CPM: variants seen among roughly 807,000 people sequenced by gnomAD.
CPM encodes the protein carboxypeptidase M.
CPM carries 35 observed loss-of-function variants against 46.4 expected under a neutral mutation model. That is an observed-to-expected ratio of 0.75 (90% CI 0.58 to 1.00). The LOEUF (loss-of-function observed/expected upper bound fraction) is 1.00, where lower values mean the gene tolerates loss of function less well. Among genes scored for constraint, CPM ranks in the 50% least tolerant of loss-of-function variants. CPM has a pLI of 0.00. For synonymous variants in CPM, 195 were observed against 195.3 expected, an observed-to-expected ratio of 1.00 and a Z score of 0.01; for missense variants, 422 against 530.4, an observed-to-expected ratio of 0.80 and a Z score of 2.01.
At chr12:68,928,574 T>C (rs1338536188) in intron 2 of CPM, among the ~76,000 whole-genome samples, 1 of 152,188 alleles carries the variant, frequency 6.6e-6, no homozygotes, top group East Asian at 1.9e-4. Context: ...CGAAATAATG[T>C]CTTAAACTAT....
chr12:68,932,918 T>TC, intron 1 of CPM, 78 bp from the exon 2 acceptor site: 1 of 1,385,502 alleles, frequency 7.2e-7, no homozygotes, highest in South Asian at 1.2e-5. Flanking sequence ...GTCTCGGTAC[T>TC]CCGGTCTCAG....
At chr12:68,870,685 T>C (rs1175593767) in intron 4 of CPM, among the ~76,000 whole-genome samples, 1 of 152,234 alleles carries the variant, frequency 6.6e-6, no homozygotes, top group African/African-American at 2.4e-5. Context: ...TGCTCCCTTT[T>C]GGGACCTTGA....
chr12:68,961,289 G>T (rs1392172351), intron 1 of CPM, among the ~76,000 whole-genome samples: 1 of 152,100 alleles, frequency 6.6e-6, no homozygotes, highest in Non-Finnish European at 1.5e-5. Flanking sequence ...GGGACTGCAG[G>T]CACATGCCCC....
chr12:68,930,687 G>A (rs187988203), intron 2 of CPM, among the ~76,000 whole-genome samples: 17 of 152,258 alleles, frequency 1.1e-4, no homozygotes, highest in East Asian at 7.7e-4. Flanking sequence ...GCCTTTAACC[G>A]CAAGAGTGCA....
chr12:68,887,760 GTA>G (rs1886493956), intron 2 of CPM, among the ~76,000 whole-genome samples: 1 of 152,210 alleles, frequency 6.6e-6, no homozygotes, highest in African/African-American at 2.4e-5. Flanking sequence ...AGATGTGTGT[GTA>G]GTGTACTGTT....
upstream of CPM, among the ~76,000 whole-genome samples, chr12:68,937,616 T>G (rs1335197811): frequency 1.3e-5 from 2 of 152,206 alleles, no homozygotes; most frequent in Non-Finnish European, 2.9e-5. Context: ...AGACAAATTG[T>G]TCAGGCAAGA....
At chr12:68,922,997 A>C (rs971698698) in intron 2 of CPM, among the ~76,000 whole-genome samples, 5 of 152,098 alleles carry the variant, frequency 3.3e-5, no homozygotes, top group Non-Finnish European at 7.4e-5. Context: ...GTGCGATCAT[A>C]GTGCAGTACA....
At chr12:68,932,986 C>G (rs577894376) in intron 1 of CPM, 146 bp from the exon 2 acceptor site, 1 of 669,706 alleles carries the variant, frequency 1.5e-6, no homozygotes, top group East Asian at 2.8e-5. Flanking sequence ...GAAGCAACAC[C>G]TTCGGGAGTG....
chr12:68,940,322 A>G (rs943056624), intron 1 of CPM, among the ~76,000 whole-genome samples: 2 of 151,862 alleles, frequency 1.3e-5, no homozygotes, highest in African/African-American at 4.8e-5. Context: ...AACTAAATCT[A>G]TAGTTTATAT....
At chr12:68,949,290 G>A (rs1327951795) in intron 1 of CPM, among the ~76,000 whole-genome samples, 2 of 152,216 alleles carry the variant, frequency 1.3e-5, no homozygotes, top group Non-Finnish European at 2.9e-5. Context: ...AGGATCGCTT[G>A]AGCCCGGGAG....
chr12:68,894,753 G>A (rs566820070), intron 2 of CPM, among the ~76,000 whole-genome samples: 24 of 152,178 alleles, frequency 1.6e-4, no homozygotes, highest in African/African-American at 5.8e-4. Context: ...AGGGTGTCAC[G>A]GCCAGGTGTG....
intron 7 of CPM, among the ~76,000 whole-genome samples, chr12:68,863,119 C>T (rs750518747): frequency 3.3e-5 from 5 of 152,172 alleles, no homozygotes; most frequent in Non-Finnish European, 5.9e-5. Context: ...ATGTCCCCAC[C>T]GCATGGTCAC....
At chr12:68,903,343 T>C (rs1375676591) in intron 2 of CPM, among the ~76,000 whole-genome samples, 7 of 152,224 alleles carry the variant, frequency 4.6e-5, no homozygotes, top group Non-Finnish European at 8.8e-5. Context: ...CTGTAGCTTA[T>C]GTTCAATATA....
rs1440229476 is a variant in CPM, at chr12:68,922,614, C to T, written c.160+10064G>A. 4.9e-5 allele frequency among the ~76,000 whole-genome samples: 6 copies of T among 123,068 alleles called. No individual in the cohort carries two copies. The South Asian group carries it at 1.8e-3, about 37-fold the overall frequency. The allele number at this position is 123,068 out of a possible 152,430, so 80.7% of individuals were successfully genotyped here. On this transcript the variant is annotated intron_variant, in intron 2 of 8. Transcript: ENST00000551568. ...TCCAAGGCAATTTGTTTGAAGTTGG[C>T]AGCATTTTTTTTTTTTTTTTTTTGA...
intron 7 of CPM, 68 bp downstream of exon 7, chr12:68,866,828 C>A: frequency 7.3e-7 from 1 of 1,367,462 alleles, no homozygotes; most frequent in South Asian, 1.3e-5. Context: ...TGCGTTTAGT[C>A]AACCCAGAGG....
chr12:68,866,931 G>A lies in CPM; in HGVS notation c.905C>T (p.Ala302Val), dbSNP rs1466030752. The A allele has an allele frequency of 1.7e-5, 27 of 1,613,772 alleles. No homozygotes were observed. Among genetic ancestry groups the A allele is most frequent in the East Asian group, 2.2e-5 (1 of 44,886 alleles). ...KLPSFWNNNK[A>V]SLIEYIKQVH... is the part of the protein sequence containing the mutation. The stretch of plus-strand genomic sequence containing the variant: ...CTGCTTTATATATTCAATTAATGAG[G>A]CTTTGTTATTATTCCAAAAGGATGG... Residue 302 changes from alanine to valine, a missense_variant, in exon 7 of 9, where the codon GCC (alanine) becomes GTC (valine). Physicochemically the swap from Ala to Val is moderately conservative, Grantham distance 64. Coordinates refer to ENST00000551568, the MANE Select transcript of CPM (RefSeq NM_198320.5).
chr12:68,963,440 A>G (rs769120379), upstream of CPM: 1 of 152,214 alleles, frequency 6.6e-6, no homozygotes, highest in Non-Finnish European at 1.5e-5. Flanking sequence ...ATGCATTTGT[A>G]TGTTATTTCT....
At chr12:68,889,104 C>T (rs1886549542) in intron 2 of CPM, among the ~76,000 whole-genome samples, 1 of 152,162 alleles carries the variant, frequency 6.6e-6, no homozygotes, top group Non-Finnish European at 1.5e-5. Context: ...GTGAAACTGG[C>T]ATTTAACAAG....
At chr12:68,878,430 T>C (rs1886048984) in intron 3 of CPM, among the ~76,000 whole-genome samples, 1 of 152,186 alleles carries the variant, frequency 6.6e-6, no homozygotes, top group Admixed American at 6.5e-5. Flanking sequence ...ACCTAAGATA[T>C]TTTTTAGACC....
Sources: gnomAD v4.1 joint callset for allele counts (sites outside exome capture counted in the v4.1 genomes callset) on GRCh38, gnomAD v4.1.1 for gene constraint, MANE v1.5 for transcripts, NCBI Gene and HGNC (gene_info 2026-07-23, HGNC 2026-07-21) for gene names.